Variants in TNFRSF21 observed in about 807,000 individuals in gnomAD.
TNFRSF21 encodes the protein tumor necrosis factor receptor superfamily member 21.
A neutral mutation model predicts 45.6 loss-of-function variants in TNFRSF21; 19 were observed. That is an observed-to-expected ratio of 0.42 (90% CI 0.29 to 0.61). The LOEUF (loss-of-function observed/expected upper bound fraction) is 0.61, where lower values mean the gene tolerates loss of function less well. Among genes scored for constraint, TNFRSF21 ranks in the 20% least tolerant of loss-of-function variants. TNFRSF21 has a pLI of 0.23. For synonymous variants in TNFRSF21, 314 were observed against 335.5 expected, an observed-to-expected ratio of 0.94 and a Z score of 0.70; for missense variants, 737 against 851.5, an observed-to-expected ratio of 0.87 and a Z score of 1.67.
At chr6:47,243,962 A>G (rs1764786025) in intron 4 of TNFRSF21, among the ~76,000 whole-genome samples, 1 of 152,214 alleles carries the variant, frequency 6.6e-6, no homozygotes, top group Non-Finnish European at 1.5e-5. Context: ...CATGTGTAAG[A>G]TATCTTCCTA....
intron 3 of TNFRSF21, among the ~76,000 whole-genome samples, chr6:47,275,495 G>A (rs996036191): frequency 6.6e-6 from 1 of 152,044 alleles, no homozygotes; most frequent in African/African-American, 2.4e-5. Flanking sequence ...CACCCACCGG[G>A]GCCTGTTGGG....
chr6:47,232,726 C>T lies in TNFRSF21; in HGVS notation c.*39G>A. On this transcript the variant is annotated 3_prime_UTR_variant, in exon 6 of 6. Coordinates refer to ENST00000296861, the MANE Select transcript of TNFRSF21 (RefSeq NM_014452.5). Reference sequence around the variant, plus strand: ...AGAAAATTAAAAAACCACCCTGCCACTAAATTGAGTAATTTCCAGAATGCA... The same window carrying T: ...AGAAAATTAAAAAACCACCCTGCCATTAAATTGAGTAATTTCCAGAATGCA... The T allele has an allele frequency of 6.3e-7, 1 of 1,591,660 alleles. No homozygotes were observed. The highest frequency in any genetic ancestry group is 8.6e-7 in the Non-Finnish European group (1 of 1,164,178).
At chr6:47,285,905 A>T (rs1018043563) in intron 2 of TNFRSF21, 39 bp downstream of exon 2, 2 of 1,597,350 alleles carry the variant, frequency 1.3e-6, no homozygotes, top group African/African-American at 2.7e-5. Context: ...ACTGGGCTCA[A>T]AGCCTTCCTC....
chr6:47,254,262 A>G (rs1764948456), intron 3 of TNFRSF21, among the ~76,000 whole-genome samples: 1 of 152,188 alleles, frequency 6.6e-6, no homozygotes, highest in Non-Finnish European at 1.5e-5. Context: ...TGGTGGACAA[A>G]GGGATGATTC....
intron 1 of TNFRSF21, among the ~76,000 whole-genome samples, chr6:47,303,907 A>C (rs1221182425): frequency 6.6e-6 from 1 of 152,258 alleles, no homozygotes; most frequent in Non-Finnish European, 1.5e-5. Context: ...CACAAGGCCC[A>C]GCCTTCTGCT....
At chr6:47,239,526 A>C (rs754419227) in intron 4 of TNFRSF21, among the ~76,000 whole-genome samples, 68 of 152,174 alleles carry the variant, frequency 4.5e-4, no homozygotes, top group Non-Finnish European at 6.5e-4. Flanking sequence ...CGAGGCAGCA[A>C]GATCTGGCAG....
chr6:47,236,542 G>A (rs1764667560), intron 4 of TNFRSF21, among the ~76,000 whole-genome samples: 1 of 152,206 alleles, frequency 6.6e-6, no homozygotes, highest in African/African-American at 2.4e-5. Context: ...AGATTGTGAA[G>A]ATAACTGATT....
At chr6:47,290,092 C>G (rs1376807819) in intron 1 of TNFRSF21, among the ~76,000 whole-genome samples, 1 of 152,188 alleles carries the variant, frequency 6.6e-6, no homozygotes, top group East Asian at 1.9e-4. Flanking sequence ...TGGCTCTGCT[C>G]TGTACTTCGT....
At chr6:47,266,992 C>G (rs1029254132) in intron 3 of TNFRSF21, among the ~76,000 whole-genome samples, 1 of 152,162 alleles carries the variant, frequency 6.6e-6, no homozygotes, top group African/African-American at 2.4e-5. Flanking sequence ...AGGTGCTCCC[C>G]ACCCTACAAG....
At chr6:47,244,541 C>G (rs1202211437) in intron 4 of TNFRSF21, among the ~76,000 whole-genome samples, 1 of 152,078 alleles carries the variant, frequency 6.6e-6, no homozygotes, top group African/African-American at 2.4e-5. Flanking sequence ...TTGCATTGTT[C>G]TTGTACGGCT....
In TNFRSF21 at chr6:47,298,285, A is replaced by T. The variant is rs12198336; in HGVS notation, c.96+11131T>A. On this transcript the variant is annotated intron_variant, in intron 1 of 5. Coordinates refer to ENST00000296861, the MANE Select transcript of TNFRSF21 (RefSeq NM_014452.5). ...GCAGACCCTGTCACTACAAAAAATTAAAAAAAAAAAAAAAAAAAAAAGGAA... is the reference window on the plus strand; with the variant it reads ...GCAGACCCTGTCACTACAAAAAATTTAAAAAAAAAAAAAAAAAAAAAGGAA... 1.7e-4 allele frequency among the ~76,000 whole-genome samples: 19 copies of T among 112,166 alleles called. 1 individual carries two copies. The highest frequency in any genetic ancestry group is 5.5e-4 in the South Asian group (2 of 3,654). The allele number at this position is 112,166 out of a possible 152,430, so 73.6% of individuals were successfully genotyped here. A position where few individuals can be genotyped will look rare whatever the true frequency, so the allele number is the denominator to read the frequency against.
rs907733807 is a variant in TNFRSF21 at position 47,277,931 on chromosome 6, C to T, written c.1243+6007G>A. ...ATCTCATGCTTGTCTGCTAACGCCACGCACAAGGTTAATCCATTTCCACAC... is the reference window on the plus strand; with the variant it reads ...ATCTCATGCTTGTCTGCTAACGCCATGCACAAGGTTAATCCATTTCCACAC... On this transcript the variant is annotated intron_variant, in intron 3 of 5. Transcript: ENST00000296861. 2.6e-5 allele frequency among the ~76,000 whole-genome samples: 4 copies of T among 152,140 alleles called. No homozygotes were observed. The East Asian group carries it at 5.8e-4, about 22-fold the overall frequency.
intron 4 of TNFRSF21, among the ~76,000 whole-genome samples, chr6:47,242,720 C>A (rs1351653061): frequency 2.6e-5 from 4 of 152,212 alleles, no homozygotes; most frequent in African/African-American, 7.2e-5. Context: ...CCTGAGCTGA[C>A]TCACTGATTA....
rs771006806 is a variant in TNFRSF21 at position 47,234,792 on chromosome 6, T to A, written c.1616A>T (p.Glu539Val). ...KLENSALLTV[E>V]PSPQDKNKGF... ...CTTGTTCTTGTCCTGTGGGGAAGGC[T>A]CCACCGTCAGGAGAGCGGAATTCTC... The change falls in exon 5 of 6, where the codon GAG (glutamate) becomes GTG (valine). Residue 539 changes from glutamate to valine, a missense_variant. By Grantham distance (121) the Glu-to-Val change is moderately radical. Transcript: ENST00000296861. 11 of 1,594,362 alleles carry A rather than the reference T, an allele frequency of 6.9e-6. No individual in the cohort carries two copies. The highest frequency in any genetic ancestry group is 8.5e-6 in the Non-Finnish European group (10 of 1,172,414).
chr6:47,298,035 T>C (rs1448612383), intron 1 of TNFRSF21, among the ~76,000 whole-genome samples: 1 of 151,996 alleles, frequency 6.6e-6, no homozygotes, highest in Non-Finnish European at 1.5e-5. Context: ...AATAAAAACT[T>C]GGTATATAGC....
intron 1 of TNFRSF21, among the ~76,000 whole-genome samples, chr6:47,292,436 G>A (rs1278593779): frequency 1.3e-5 from 2 of 151,694 alleles, no homozygotes; most frequent in Non-Finnish European, 2.9e-5. Context: ...CTGCAGTGGG[G>A]CCAGGAATTT....
chr6:47,279,000 T>G (rs563121731), intron 3 of TNFRSF21, among the ~76,000 whole-genome samples: 6 of 152,298 alleles, frequency 3.9e-5, no homozygotes, highest in South Asian at 2.1e-4. Flanking sequence ...GTCTCTCACC[T>G]TTTTTCCCTC....
intron 4 of TNFRSF21, among the ~76,000 whole-genome samples, chr6:47,236,380 A>G (rs1764666026): frequency 6.6e-6 from 1 of 152,104 alleles, no homozygotes; most frequent in African/African-American, 2.4e-5. Flanking sequence ...TCATCCCTTC[A>G]CTCACACACT....
intron 1 of TNFRSF21, among the ~76,000 whole-genome samples, chr6:47,293,323 G>A (rs749845715): frequency 2.6e-5 from 4 of 152,066 alleles, no homozygotes; most frequent in Non-Finnish European, 5.9e-5. Flanking sequence ...CCAAGCCAGG[G>A]GTCAGCAAAC....
Sources: gnomAD v4.1 joint callset for allele counts (sites outside exome capture counted in the v4.1 genomes callset) on GRCh38, gnomAD v4.1.1 for gene constraint, MANE v1.5 for transcripts, NCBI Gene and HGNC (gene_info 2026-07-23, HGNC 2026-07-21) for gene names.